The following TCF3 variants were observed in gnomAD, a reference collection of about 807,000 sequenced individuals.
TCF3 encodes transcription factor 3.
A neutral mutation model predicts 72.3 loss-of-function variants in TCF3; 54 were observed. The observed-to-expected ratio is 0.75, with a 90% CI of 0.60 to 0.94. The LOEUF (loss-of-function observed/expected upper bound fraction) is 0.94, where lower values mean the gene tolerates loss of function less well. Among genes scored for constraint, TCF3 ranks in the 40% least tolerant of loss-of-function variants. The probability of loss-of-function intolerance (pLI) is 0.00; values close to 1 mark genes in which losing one functional copy is unlikely to be tolerated. For missense variants in TCF3, 1,078 were observed against 934.4 expected, an observed-to-expected ratio of 1.15 and a Z score of -2.00; for synonymous variants, 525 against 412.6, an observed-to-expected ratio of 1.27 and a Z score of -3.30.
intron 18 of TCF3, among the ~76,000 whole-genome samples, chr19:1,613,175 G>A (rs1000969841): frequency 1.1e-4 from 17 of 152,172 alleles, no homozygotes; most frequent in African/African-American, 3.4e-4. Context: ...TGTCACATGC[G>A]TGAAAATGTG....
chr19:1,651,653 G>A (rs1363915400), intron 1 of TCF3, among the ~76,000 whole-genome samples: 1 of 152,012 alleles, frequency 6.6e-6, no homozygotes, highest in Non-Finnish European at 1.5e-5. Flanking sequence ...GCGCTGGAAC[G>A]CCTTTTTCCC....
intron 7 of TCF3, among the ~76,000 whole-genome samples, chr19:1,624,436 G>A (rs1056079382): frequency 3.3e-5 from 5 of 152,118 alleles, no homozygotes; most frequent in African/African-American, 4.8e-5. Context: ...AAAAAGCCCC[G>A]GGTCTATTTA....
Position 1,650,222 on chromosome 19 carries a change from A to G in TCF3, c.27T>C (p.Pro9=), listed in dbSNP as rs1600210041. Residue 9 remains proline (P), a synonymous_variant, in exon 2 of 19, where the codon CCT becomes CCC. Transcript: ENST00000262965. MNQPQRMA[P]VGTDKELSDL... ...CACTGAGCTCCTTGTCTGTGCCCAC[A>G]GGCGCCATCCTCTGCGGCTGGTTCA... The G allele has an allele frequency of 6.4e-7, 1 of 1,571,930 alleles. No homozygotes were observed. The highest frequency in any genetic ancestry group is 8.6e-7 in the Non-Finnish European group (1 of 1,159,936).
chr19:1,648,371 GGA>G (rs2066456063), intron 2 of TCF3, among the ~76,000 whole-genome samples: 1 of 152,186 alleles, frequency 6.6e-6, no homozygotes, highest in Admixed American at 6.5e-5. Context: ...CGCCCGGAGA[GGA>G]CGGGCACCTC....
At position 1,619,792 on chromosome 19, in the gene TCF3, A is replaced by G. The variant is rs2061964943; in HGVS notation, c.1155T>C (p.Gly385=). ...PGALSPSYDG[G]LHGLQSKIED... is the part of the protein sequence containing the mutation. ...GGCAGGCACTCACCAGGCCGTGGAG[A>G]CCCCCGTCGTAGCTGGGCGATAAGG... Residue 385 remains glycine (G), a synonymous_variant, in exon 14 of 19, where the codon GGT becomes GGC. Coordinates refer to ENST00000262965, the MANE Select transcript of TCF3 (RefSeq NM_003200.5). The G allele has an allele frequency of 1.3e-6, 2 of 1,553,092 alleles. No homozygotes were observed. Among genetic ancestry groups the G allele is most frequent in the East Asian group, 4.9e-5 (2 of 40,908 alleles).
At chr19:1,624,597 A>G (rs1910263594) in intron 7 of TCF3, among the ~76,000 whole-genome samples, 1 of 152,190 alleles carries the variant, frequency 6.6e-6, no homozygotes, top group Non-Finnish European at 1.5e-5. Context: ...TATCCCACGC[A>G]GTCAGGCTTC....
At position 1,619,843 on chromosome 19, in the gene TCF3, C is replaced by A; in HGVS notation, c.1104G>T (p.Gln368His). ...GSPQGLAGTS[Q>H]WPRAGAPGAL... ...CACCGGGGGCTCCTGCTCGAGGCCA[C>A]TGTGACGTTCCTGGAAGGGAGTGGG... Residue 368 changes from glutamine to histidine, a missense_variant, in exon 14 of 19, where the codon CAG becomes CAT. Physicochemically the swap from Gln to His is conservative, Grantham distance 24. Transcript: ENST00000262965. 1 of 1,578,056 alleles carries A rather than the reference C, an allele frequency of 6.3e-7. No individual in the cohort carries two copies. The highest frequency in any genetic ancestry group is 1.2e-5 in the South Asian group (1 of 85,784).
rs953154599 is a variant in TCF3 at position 1,630,207 on chromosome 19, C to G, written c.298+1831G>C. Among the ~76,000 whole-genome samples the G allele has an allele frequency of 2.0e-5, 3 of 152,274 alleles. No homozygotes were observed. The East Asian group carries it at 5.8e-4, about 29-fold the overall frequency. ...TGAGGAAGAGGCTGGGAGGAAGGAA[C>G]AGCCAGTGAGGAACCAGGCTCCCAG... is the stretch of plus-strand genomic sequence containing the variant. On this transcript the variant is annotated intron_variant, in intron 5 of 18. Transcript: ENST00000262965.
Position 1,650,306 on chromosome 19 carries a change from G to A in TCF3, c.-39-19C>T. On this transcript the variant is annotated intron_variant, in intron 1 of 18. Coordinates refer to ENST00000262965, the MANE Select transcript of TCF3 (RefSeq NM_003200.5). The stretch of plus-strand genomic sequence containing the variant: ...GGAAACCCTGCTTGGTGGATGTGGG[G>A]ACAGATGGACAGGGAGAAACAGGGA... The A allele has an allele frequency of 6.7e-7, 1 of 1,487,548 alleles. No homozygotes were observed. The highest frequency in any genetic ancestry group is 9.1e-7 in the Non-Finnish European group (1 of 1,099,114). 92.1% of individuals were successfully genotyped at this position (1,487,548 alleles called of 1,614,324 possible).
At chr19:1,642,595 C>T (rs972670547) in intron 3 of TCF3, among the ~76,000 whole-genome samples, 9 of 152,160 alleles carry the variant, frequency 5.9e-5, no homozygotes, top group African/African-American at 1.4e-4. Context: ...AGAAGACCAC[C>T]GCCCTCTATT....
At position 1,642,164 on chromosome 19, in the gene TCF3, A is replaced by G. The variant is rs903172422; in HGVS notation, c.145+4191T>C. ...CACACACACACACACACACACACAC[A>G]CGCACGCGTACACACACGCACGCAG... On this transcript the variant is annotated intron_variant, in intron 3 of 18. Coordinates refer to ENST00000262965, the MANE Select transcript of TCF3 (RefSeq NM_003200.5). Among the ~76,000 whole-genome samples, 14 of 143,456 alleles carry G rather than the reference A, an allele frequency of 9.8e-5. No individual in the cohort carries two copies. In the East Asian group the frequency reaches 1.2e-3, roughly 13 times the overall value. 94.1% of individuals were successfully genotyped at this position (143,456 alleles called of 152,430 possible).
At chr19:1,636,837 G>T (rs77700996) in intron 3 of TCF3, among the ~76,000 whole-genome samples, 8 of 152,140 alleles carry the variant, frequency 5.3e-5, no homozygotes, top group African/African-American at 2.4e-5. Context: ...CTCCCACTTC[G>T]ATCTGCCTCT....
chr19:1,622,294 C>T lies in TCF3; in HGVS notation c.652+19G>A, dbSNP rs1327661897. The T allele has an allele frequency of 1.3e-6, 2 of 1,508,616 alleles. No homozygotes were observed. Among genetic ancestry groups the T allele is most frequent in the Admixed American group, 2.1e-5 (1 of 47,580 alleles). 93.5% of individuals were successfully genotyped at this position (1,508,616 alleles called of 1,614,324 possible). ...GCCCTGCCCTACCGTCCCTGGCGAG[C>T]CCCCGCCCTGCCATGTACCTGCCAC... On this transcript the variant is annotated intron_variant, in intron 9 of 18. Coordinates refer to ENST00000262965, the MANE Select transcript of TCF3 (RefSeq NM_003200.5).
At chr19:1,642,789 T>C (rs996993571) in intron 3 of TCF3, among the ~76,000 whole-genome samples, 29 of 151,970 alleles carry the variant, frequency 1.9e-4, no homozygotes, top group Non-Finnish European at 1.6e-4. Context: ...ACGCTTTCAA[T>C]GTGAAAAAGC....
chr19:1,643,695 C>T (rs1040857369), intron 3 of TCF3, among the ~76,000 whole-genome samples: 17 of 152,198 alleles, frequency 1.1e-4, no homozygotes, highest in African/African-American at 2.9e-4. Flanking sequence ...ACTCCTCTCT[C>T]GACACCAATT....
intron 3 of TCF3, among the ~76,000 whole-genome samples, chr19:1,644,524 G>A (rs1190941237): frequency 6.6e-6 from 1 of 152,228 alleles, no homozygotes; most frequent in African/African-American, 2.4e-5. Context: ...GCCCTAACGT[G>A]TGAGGGGACA....
At chr19:1,629,291 C>T (rs1009241164) in intron 5 of TCF3, among the ~76,000 whole-genome samples, 2 of 151,546 alleles carry the variant, frequency 1.3e-5, no homozygotes, top group East Asian at 1.9e-4. Flanking sequence ...CGGGGAGCCC[C>T]GGGGCCTGTG....
chr19:1,612,484 G>T lies in TCF3; in HGVS notation c.1823-635C>A, dbSNP rs191774492. The T allele has an allele frequency of 1.9e-3, 2,511 of 1,324,844 alleles. 62 individuals are homozygous for T. Among genetic ancestry groups the T allele is most frequent in the Non-Finnish European group, 2.5e-3 (2,325 of 931,810 alleles). The allele number at this position is 1,324,844 out of a possible 1,614,324, so 82.1% of individuals were successfully genotyped here. ...TTAGTGATGCGCCAAGGCTGGGTGGGAGGGCAGGGCTGGGTTGTGGAGAGG... is the reference window on the plus strand; with the variant it reads ...TTAGTGATGCGCCAAGGCTGGGTGGTAGGGCAGGGCTGGGTTGTGGAGAGG... On this transcript the variant is annotated intron_variant, in intron 18 of 18. Transcript: ENST00000262965.
Position 1,625,588 on chromosome 19 carries a change from C to G in TCF3, c.487G>C (p.Asp163His). Reference sequence around the variant, plus strand: ...AGACCCCGCTCACCTAGGCTGCCGTCTGCCGCTCTCCGCCGGGAGCTGCCG... The same window carrying G: ...AGACCCCGCTCACCTAGGCTGCCGTGTGCCGCTCTCCGCCGGGAGCTGCCG... The part of the protein sequence containing the change: ...YSGSSRRRAA[D>H]GSLDTQPKKV... The change falls in exon 7 of 19, where the codon GAC (aspartate) becomes CAC (histidine). Residue 163 changes from aspartate (D) to histidine (H), a missense_variant. Coordinates refer to ENST00000262965, the MANE Select transcript of TCF3 (RefSeq NM_003200.5). The G allele has an allele frequency of 1.3e-6, 2 of 1,585,812 alleles. No individual in the cohort carries two copies. The highest frequency in any genetic ancestry group is 1.7e-6 in the Non-Finnish European group (2 of 1,168,912).
Sources: allele counts gnomAD v4.1 joint callset (sites outside exome capture counted in the v4.1 genomes callset), GRCh38; gene constraint gnomAD v4.1.1; transcripts MANE v1.5; gene names NCBI Gene and HGNC (gene_info 2026-07-23, HGNC 2026-07-21).